SGCZ: variants seen among roughly 807,000 people sequenced by gnomAD.
SGCZ encodes the protein sarcoglycan zeta.
Under a neutral mutation model 41.3 loss-of-function variants are expected in SGCZ, and 40 were observed. The observed-to-expected ratio is 0.97, with a 90% CI of 0.75 to 1.26. SGCZ has a LOEUF of 1.26. SGCZ is among the 50% of genes most tolerant of loss of function. The probability of loss-of-function intolerance (pLI) is 0.00; values close to 1 mark genes in which losing one functional copy is unlikely to be tolerated. For missense variants in SGCZ, 552 were observed against 369.8 expected (o/e 1.49, Z -4.04); for synonymous variants, 206 against 137.5 (o/e 1.50, Z -3.49).
chr8:14,284,004 T>G (rs562803859), intron 3 of SGCZ, among the ~76,000 whole-genome samples: 1 of 152,268 alleles, frequency 6.6e-6, no homozygotes. Flanking sequence ...ATTAGGCATA[T>G]GTAAATTTAA....
At chr8:15,177,951 A>G (rs781427875) in intron 1 of SGCZ, among the ~76,000 whole-genome samples, 7 of 152,290 alleles carry the variant, frequency 4.6e-5, no homozygotes, top group Admixed American at 1.3e-4. Flanking sequence ...ACCACTTCCT[A>G]TAAAGAGAAT....
chr8:14,768,856 A>G (rs1274288826), intron 1 of SGCZ, among the ~76,000 whole-genome samples: 4 of 152,062 alleles, frequency 2.6e-5, no homozygotes, highest in African/African-American at 9.7e-5. Context: ...GTCACTGACA[A>G]AGGGTTCATT....
chr8:15,134,914 T>C (rs894492679), intron 1 of SGCZ, among the ~76,000 whole-genome samples: 1 of 152,154 alleles, frequency 6.6e-6, no homozygotes, highest in Non-Finnish European at 1.5e-5. Flanking sequence ...GCTTTCAACA[T>C]CTTAGTTTTT....
intron 3 of SGCZ, among the ~76,000 whole-genome samples, chr8:14,317,182 G>T (rs28541988): frequency 6.6e-6 from 1 of 152,072 alleles, no homozygotes; most frequent in East Asian, 1.9e-4. Context: ...GCAATGTTTG[G>T]CTGGGAATAA....
At chr8:14,964,976 A>G (rs1801085798) in intron 1 of SGCZ, among the ~76,000 whole-genome samples, 1 of 152,184 alleles carries the variant, frequency 6.6e-6, no homozygotes, top group South Asian at 2.1e-4. Context: ...CAGACAGACC[A>G]TTTACCTTTT....
intron 1 of SGCZ, among the ~76,000 whole-genome samples, chr8:14,907,441 G>T (rs556463871): frequency 6.6e-6 from 1 of 152,092 alleles, no homozygotes; most frequent in Non-Finnish European, 1.5e-5. Flanking sequence ...TCCTGCCTCA[G>T]CCTCTCAAAG....
intron 3 of SGCZ, among the ~76,000 whole-genome samples, chr8:14,281,465 TCA>T (rs1491028010): frequency 9.8e-6 from 1 of 101,892 alleles, no homozygotes; most frequent in Non-Finnish European, 2.7e-5. Flanking sequence ...TTTTTTTATA[TCA>T]TAGAACTTTG....
At chr8:14,435,994 G>A (rs17119293) in intron 2 of SGCZ, among the ~76,000 whole-genome samples, 9,449 of 152,080 alleles carry the variant, frequency 0.062, 540 homozygotes, top group African/African-American at 0.15. Context: ...CTAGGTATGG[G>A]GAAACATAAA....
chr8:14,902,651 T>C (rs547296952), intron 1 of SGCZ, among the ~76,000 whole-genome samples: 93 of 152,264 alleles, frequency 6.1e-4, no homozygotes, highest in African/African-American at 2.2e-3. Flanking sequence ...AAGTTGTCTA[T>C]TGAAATTAGC....
intron 2 of SGCZ, among the ~76,000 whole-genome samples, chr8:14,375,052 A>C (rs547048933): frequency 7.8e-4 from 119 of 152,276 alleles, no homozygotes; most frequent in Admixed American, 2.4e-3. Flanking sequence ...AGAGAAAGTC[A>C]CTGCAGAAGA....
chr8:14,439,666 G>T (rs552892213), intron 2 of SGCZ, among the ~76,000 whole-genome samples: 6 of 151,742 alleles, frequency 4.0e-5, no homozygotes, highest in African/African-American at 1.5e-4. Context: ...ATAAACCAAA[G>T]AAGAAAAATT....
chr8:15,154,936 C>T (rs1002530898), intron 1 of SGCZ, among the ~76,000 whole-genome samples: 1 of 152,044 alleles, frequency 6.6e-6, no homozygotes, highest in East Asian at 1.9e-4. Flanking sequence ...TAATTAACAA[C>T]AATATATTGT....
chr8:14,177,250 T>G (rs1804570887), intron 4 of SGCZ, among the ~76,000 whole-genome samples: 1 of 152,044 alleles, frequency 6.6e-6, no homozygotes, highest in South Asian at 2.1e-4. Context: ...ACCATAAGAA[T>G]ACCAAATGTG....
intron 1 of SGCZ, among the ~76,000 whole-genome samples, chr8:14,867,901 C>G (rs552973490): frequency 6.6e-6 from 1 of 150,794 alleles, no homozygotes; most frequent in Admixed American, 6.6e-5. Context: ...GTACTTGTGC[C>G]CCTGAACTTA....
chr8:14,852,189 C>T (rs993429732), intron 1 of SGCZ, among the ~76,000 whole-genome samples: 6 of 152,038 alleles, frequency 3.9e-5, no homozygotes, highest in Non-Finnish European at 7.4e-5. Flanking sequence ...AAATCTCAAG[C>T]GCAATATTTT....
intron 2 of SGCZ, among the ~76,000 whole-genome samples, chr8:14,337,786 T>C (rs1331052252): frequency 3.3e-5 from 5 of 152,062 alleles, no homozygotes; most frequent in African/African-American, 1.2e-4. Context: ...GTACCTCCCC[T>C]GCATGGGTCA....
At chr8:14,603,029 A>C (rs1805642638) in intron 1 of SGCZ, among the ~76,000 whole-genome samples, 2 of 152,194 alleles carry the variant, frequency 1.3e-5, no homozygotes, top group African/African-American at 4.8e-5. Flanking sequence ...ACATTCAGGC[A>C]TGGCTTCAGA....
Position 14,996,290 on chromosome 8 carries a change from CA to C in SGCZ, c.39+241294del, listed in dbSNP as rs558514934. On this transcript the variant is annotated intron_variant, in intron 1 of 7. Coordinates refer to ENST00000382080, the MANE Select transcript of SGCZ (RefSeq NM_139167.4). ...ATTCTGAACCGCATGAAACCATTTA[CA>C]AAATTATTGAAAAGCATGTCTCTTT... Among the ~76,000 whole-genome samples the C allele has an allele frequency of 8.6e-4, 131 of 152,286 alleles. 1 individual carries two copies. The highest frequency in any genetic ancestry group is 3.4e-3 in the Middle Eastern group (1 of 294).
At chr8:14,501,629 T>A (rs994925845) in intron 2 of SGCZ, among the ~76,000 whole-genome samples, 20 of 149,076 alleles carry the variant, frequency 1.3e-4, no homozygotes, top group African/African-American at 4.4e-4. Flanking sequence ...TTTTTTCAGG[T>A]CCCTCAAAAC....
Sources: allele counts gnomAD v4.1 joint callset (sites outside exome capture counted in the v4.1 genomes callset), GRCh38; gene constraint gnomAD v4.1.1; transcripts MANE v1.5; gene names NCBI Gene and HGNC (gene_info 2026-07-23, HGNC 2026-07-21).